The following ARAP3 variants were observed in gnomAD, a reference collection of about 807,000 sequenced individuals.
ARAP3 encodes the protein ArfGAP with RhoGAP domain, ankyrin repeat and PH domain 3.
ARAP3 carries 82 observed loss-of-function variants against 169.2 expected under a neutral mutation model. The ratio of observed to expected loss-of-function variants is 0.48; its 90% CI spans 0.41 to 0.58. The LOEUF (loss-of-function observed/expected upper bound fraction) is 0.58. Ranked by LOEUF, ARAP3 falls within the 20% of genes least tolerant of loss-of-function variation. The pLI, the probability that ARAP3 is intolerant of heterozygous loss-of-function variation, is 0.00. For synonymous variants in ARAP3, 791 were observed against 800.3 expected (o/e 0.99, Z 0.20); for missense variants, 1,764 against 2,018.0 (o/e 0.87, Z 2.41).
chr5:141,657,812 G>A (rs966939333), intron 25 of ARAP3, among the ~76,000 whole-genome samples: 5 of 152,152 alleles, frequency 3.3e-5, no homozygotes, highest in African/African-American at 1.2e-4. Flanking sequence ...GGGAAAAATT[G>A]GAGAATGGCC....
At chr5:141,657,756 T>C (rs959590246) in intron 25 of ARAP3, among the ~76,000 whole-genome samples, 8 of 152,194 alleles carry the variant, frequency 5.3e-5, no homozygotes, top group African/African-American at 1.7e-4. Context: ...ACTCCCAGGT[T>C]TCTGGCCTTA....
chr5:141,661,324 A>G (rs746925824), intron 21 of ARAP3, among the ~76,000 whole-genome samples: 11 of 152,146 alleles, frequency 7.2e-5, no homozygotes, highest in South Asian at 2.1e-4. Context: ...TTGCTTCCCA[A>G]AGTGTTGGGA....
intron 25 of ARAP3, among the ~76,000 whole-genome samples, chr5:141,657,214 A>C (rs1410514986): frequency 1.3e-5 from 2 of 152,272 alleles, no homozygotes; most frequent in East Asian, 3.8e-4. Context: ...TAGGAAGAGC[A>C]AGCCATGCTA....
chr5:141,673,699 C>G lies in ARAP3; in HGVS notation c.808G>C (p.Asp270His). Residue 270 changes from aspartate to histidine, a missense_variant, in exon 5 of 33, where the codon GAT becomes CAT. Physicochemically the swap from Asp to His is moderately conservative, Grantham distance 81. Around this residue, in one of 3 missense-constraint regions of ARAP3, gnomAD observed 630 missense variants for 678.7 expected, o/e 0.93. Coordinates refer to ENST00000239440, the MANE Select transcript of ARAP3 (RefSeq NM_022481.6). ...CTGGCATAGGGTGAAATGAGGTCAT[C>G]ACTGGTCTCCTCTGTTTCCAGGGTG... ...SPTLETEETS[D>H]DLISPYASFS... is the part of the protein sequence containing the mutation. 1 of 1,614,218 alleles carries G rather than the reference C, an allele frequency of 6.2e-7. No individual in the cohort carries two copies. Among genetic ancestry groups the G allele is most frequent in the Non-Finnish European group, 8.5e-7 (1 of 1,180,050 alleles).
chr5:141,662,274 C>CT lies in ARAP3; in HGVS notation c.2801-20dup. The CT allele has an allele frequency of 6.2e-7, 1 of 1,612,896 alleles. No individual in the cohort carries two copies. The highest frequency in any genetic ancestry group is 8.5e-7 in the Non-Finnish European group (1 of 1,179,520). Reference sequence around the variant, plus strand: ...CGGAGCCCTGAGGAGAGCCAGCCGTCTCTGCTCACCATGGTGCAAAGGCTA... The same window carrying CT: ...CGGAGCCCTGAGGAGAGCCAGCCGTCTTCTGCTCACCATGGTGCAAAGGCTA... On this transcript the variant is annotated intron_variant, in intron 19 of 32. Transcript: ENST00000239440.
chr5:141,671,456 G>T lies in ARAP3; in HGVS notation c.1855-56C>A. On this transcript the variant is annotated intron_variant, in intron 12 of 32. Transcript: ENST00000239440. This position sits in a 1 kb window ranked among gnomAD's most constrained non-coding sequence, Gnocchi z 4.9. ...CAAATCCCAAACTGAGAGCACTGGG[G>T]ACAGTCGTATCATCACTAAAAACAG... is the stretch of plus-strand genomic sequence containing the variant. 1.3e-6 allele frequency: 2 copies of T among 1,595,874 alleles called. No homozygotes were observed. Among genetic ancestry groups the T allele is most frequent in the Non-Finnish European group, 1.7e-6 (2 of 1,170,452 alleles).
Position 141,655,872 on chromosome 5 carries a change from G to A in ARAP3, c.3969C>T (p.Ala1323=), listed in dbSNP as rs2099909208. 6.2e-7 allele frequency: 1 copy of A among 1,613,892 alleles called. No individual in the cohort carries two copies. The highest frequency in any genetic ancestry group is 8.5e-7 in the Non-Finnish European group (1 of 1,179,928). ...MWDWTTSILK[A]QHDDQQPVVL... is the part of the protein sequence containing the mutation. ...TCAGCCTTTTCTTTCCCCTCACCTG[G>A]GCTTTAAGGATGCTGGTGGTCCAAT... The change falls in exon 30 of 33, where the codon GCC becomes GCT. Residue 1323 remains alanine, a synonymous_variant. Transcript: ENST00000239440.
rs538297002 is a variant in ARAP3 at position 141,661,606 on chromosome 5, A to G, written c.3119+78T>C. On this transcript the variant is annotated intron_variant, in intron 21 of 32. Transcript: ENST00000239440. ...GTTTGTGGAATGAACAAATGAATGA[A>G]TGAATGAATAAATGAATGAAAGTGC... is the stretch of plus-strand genomic sequence containing the variant. 3.8e-5 allele frequency: 51 copies of G among 1,358,426 alleles called. No homozygotes were observed. In the African/African-American group the frequency reaches 6.8e-4, roughly 18 times the overall value. 84.1% of individuals were successfully genotyped at this position (1,358,426 alleles called of 1,614,324 possible). A position where few individuals can be genotyped will look rare whatever the true frequency, so the allele number is the denominator to read the frequency against.
intron 21 of ARAP3, 40 bp downstream of exon 21, chr5:141,661,643 GA>G (rs1562407770): frequency 6.5e-7 from 1 of 1,543,056 alleles, no homozygotes; most frequent in Admixed American, 1.7e-5. Context: ...GGGTCAGATT[GA>G]AGTGAGGAAG....
intron 19 of ARAP3, among the ~76,000 whole-genome samples, chr5:141,663,540 C>T (rs549605520): frequency 4.6e-5 from 7 of 152,200 alleles, no homozygotes; most frequent in Non-Finnish European, 8.8e-5. Flanking sequence ...CCACCTGCCT[C>T]GGCTTCCCAA....
chr5:141,658,263 T>C (rs1198299528), intron 25 of ARAP3, 102 bp downstream of exon 25: 16 of 1,155,044 alleles, frequency 1.4e-5, no homozygotes, highest in African/African-American at 3.0e-5. Flanking sequence ...ATCCATGAGT[T>C]ACCATTCATA....
rs777916391 is a variant in ARAP3 at position 141,671,800 on chromosome 5, C to T, written c.1672-48G>A. 5 of 1,604,944 alleles carry T rather than the reference C, an allele frequency of 3.1e-6. No individual in the cohort carries two copies. The South Asian group carries it at 5.6e-5, about 18-fold the overall frequency. The stretch of plus-strand genomic sequence containing the variant: ...GGCAGGTGACAGGAACTCAAGAGTC[C>T]TCAGATGTTCCATTCCTGTCCCCAG... On this transcript the variant is annotated intron_variant, in intron 11 of 32. Coordinates refer to ENST00000239440, the MANE Select transcript of ARAP3 (RefSeq NM_022481.6). The surrounding 1 kb of genome is among the most constrained non-coding windows in gnomAD (Gnocchi z 4.9).
rs777602219 is a variant in ARAP3, at chr5:141,661,729, C to T, written c.3074G>A (p.Arg1025Gln). 24 of 1,614,088 alleles carry T rather than the reference C, an allele frequency of 1.5e-5. No individual in the cohort carries two copies. The highest frequency in any genetic ancestry group is 2.2e-5 in the East Asian group (1 of 44,892). ...GGTGGCCAGTGTGCGGCGGTTGACC[C>T]GCGGCAGGCAGCCAATCACATCTTT... ...KYKDVIGCLP[R>Q]VNRRTLATLI... is the part of the protein sequence containing the mutation. The change falls in exon 21 of 33, where the codon CGG (arginine) becomes CAG (glutamine). Residue 1025 changes from arginine to glutamine, a missense_variant. Coordinates refer to ENST00000239440, the MANE Select transcript of ARAP3 (RefSeq NM_022481.6).
Position 141,662,223 on chromosome 5 carries a change from C to T in ARAP3, c.2833G>A (p.Gly945Ser). 1 of 1,614,206 alleles carries T rather than the reference C, an allele frequency of 6.2e-7. No individual in the cohort carries two copies. The highest frequency in any genetic ancestry group is 8.5e-7 in the Non-Finnish European group (1 of 1,180,038). ...LRLEGVYRKG[G>S]ARARSLRLLA... ...AGTCTCAGGCTGCGGGCACGAGCGC[C>T]CCCTTTCCGGTATACACCTTCCAGC... Residue 945 changes from glycine to serine, a missense_variant, in exon 20 of 33, where the codon GGC (glycine) becomes AGC (serine). Coordinates refer to ENST00000239440, the MANE Select transcript of ARAP3 (RefSeq NM_022481.6).
chr5:141,668,446 G>T (rs2099910977), intron 16 of ARAP3, among the ~76,000 whole-genome samples: 1 of 152,136 alleles, frequency 6.6e-6, no homozygotes, highest in South Asian at 2.1e-4. Context: ...ATGTCAAATT[G>T]CTATAAAATA....
At position 141,666,634 on chromosome 5, in the gene ARAP3, G is replaced by A; in HGVS notation, c.2362C>T (p.Pro788Ser). 1 of 1,425,112 alleles carries A rather than the reference G, an allele frequency of 7.0e-7. No homozygotes were observed. Among genetic ancestry groups the A allele is most frequent in the Non-Finnish European group, 9.2e-7 (1 of 1,082,204 alleles). 88.3% of individuals were successfully genotyped at this position (1,425,112 alleles called of 1,614,324 possible). ...WTSAVGKWFS[P>S]LSCHQLLGPG... ...CCCAGCAGCTGGTGGCAGCTCAGCG[G>A]GGAGAACCACTGTAGAGGCAGGGGG... The change falls in exon 17 of 33, where the codon CCG becomes TCG. Residue 788 changes from proline to serine, a missense_variant. Around this residue, in one of 3 missense-constraint regions of ARAP3, gnomAD observed 1,112 missense variants for 1,285.7 expected, o/e 0.86. Coordinates refer to ENST00000239440, the MANE Select transcript of ARAP3 (RefSeq NM_022481.6).
rs886514674 is a variant in ARAP3, at chr5:141,671,532, C to T, written c.1854+38G>A. The stretch of plus-strand genomic sequence containing the variant: ...CCAACTCCAGAGAGTGTTTCCTGAC[C>T]CCCCCACCCCAGATCACCCCTGCTC... On this transcript the variant is annotated intron_variant, in intron 12 of 32. Transcript: ENST00000239440. The surrounding 1 kb of genome is among the most constrained non-coding windows in gnomAD (Gnocchi z 4.9). 1.2e-6 allele frequency: 2 copies of T among 1,611,412 alleles called. No homozygotes were observed. Among genetic ancestry groups the T allele is most frequent in the African/African-American group, 1.3e-5 (1 of 74,836 alleles).
At chr5:141,663,387 C>G (rs2099910226) in intron 19 of ARAP3, among the ~76,000 whole-genome samples, 1 of 152,086 alleles carries the variant, frequency 6.6e-6, no homozygotes, top group African/African-American at 2.4e-5. Flanking sequence ...AACCTCACCT[C>G]ACAGCAATTC....
intron 17 of ARAP3, among the ~76,000 whole-genome samples, chr5:141,665,967 G>A (rs1182630760): frequency 6.7e-6 from 1 of 150,332 alleles, no homozygotes; most frequent in Non-Finnish European, 1.5e-5. Flanking sequence ...GGAGGCGGAG[G>A]TTGCAGTGAG....
Sources: allele counts gnomAD v4.1 joint callset (sites outside exome capture counted in the v4.1 genomes callset), GRCh38; gene constraint gnomAD v4.1.1; regional missense constraint gnomAD v4.1.1; non-coding constraint Gnocchi (gnomAD v3.1); transcripts MANE v1.5; gene names NCBI Gene and HGNC (gene_info 2026-07-23, HGNC 2026-07-21).